DMD: variants seen among roughly 807,000 people sequenced by gnomAD.
DMD encodes the protein dystrophin.
A neutral mutation model predicts 330.1 loss-of-function variants in DMD; 63 were observed. The observed-to-expected ratio is 0.19, with a 90% CI of 0.16 to 0.24. The LOEUF is 0.24. DMD is among the 10% of genes least tolerant of loss of function. The pLI, the probability that DMD is intolerant of heterozygous loss-of-function variation, is 1.00. For synonymous variants in DMD, 1,223 were observed against 959.8 expected, an observed-to-expected ratio of 1.27 and a Z score of -5.07; for missense variants, 3,344 against 2,684.1, an observed-to-expected ratio of 1.25 and a Z score of -5.43.
Position 33,237,319 on chromosome X carries a change from C to A in DMD, c.7+101940G>T, listed in dbSNP as rs969627426. ...AGTACAATGGCGCGATCTCGGCTCA[C>A]TGCAACCTGTGCCTTCCAGGTTCAA... On this transcript the variant is annotated intron_variant, in intron 1 of 17. Coordinates refer to the DMD transcript ENST00000288447. 3.7e-5 allele frequency among the ~76,000 whole-genome samples: 4 copies of A among 107,613 alleles called. No homozygotes were observed. The Admixed American group carries it at 4.0e-4, about 11-fold the overall frequency. 93.4% of individuals were successfully genotyped at this position (107,613 alleles called of 115,157 possible).
At chrX:31,369,185 G>A (rs2059415812) in intron 60 of DMD, among the ~76,000 whole-genome samples, 1 of 112,438 alleles carries the variant, frequency 8.9e-6, no homozygotes, top group African/African-American at 3.2e-5. Flanking sequence ...TGCTGAGGCC[G>A]GGATTTAATC....
At chrX:31,783,167 T>G (rs1057249180) in intron 50 of DMD, among the ~76,000 whole-genome samples, 1 of 111,602 alleles carries the variant, frequency 9.0e-6, no homozygotes. Flanking sequence ...TTACAGAAAA[T>G]ACACTGCTAT....
At chrX:31,642,650 T>G (rs1236389599) in intron 54 of DMD, among the ~76,000 whole-genome samples, 1 of 111,875 alleles carries the variant, frequency 8.9e-6, no homozygotes, top group Non-Finnish European at 1.9e-5. Flanking sequence ...TTATCATTTT[T>G]TTTTTAGTGA....
At chrX:32,151,800 CA>C (rs780729620) in intron 44 of DMD, among the ~76,000 whole-genome samples, 2 of 111,942 alleles carry the variant, frequency 1.8e-5, no homozygotes, top group East Asian at 5.6e-4. Context: ...GTTGAGTCTT[CA>C]CTATCGTGAG....
intron 44 of DMD, among the ~76,000 whole-genome samples, chrX:32,129,978 CTTTT>C (rs756669672): frequency 8.9e-5 from 8 of 89,534 alleles, no homozygotes; most frequent in East Asian, 3.5e-4. Flanking sequence ...TTTTCAAAGA[CTTTT>C]TTTTTTTTTT....
chrX:32,719,310 C>T (rs1381498481), intron 7 of DMD, among the ~76,000 whole-genome samples: 3 of 111,953 alleles, frequency 2.7e-5, no homozygotes, highest in African/African-American at 6.5e-5. Context: ...TAGAGCTAAG[C>T]TTCTAGAGGT....
chrX:31,414,827 C>G (rs1379108281), intron 60 of DMD, among the ~76,000 whole-genome samples: 4 of 112,350 alleles, frequency 3.6e-5, no homozygotes, highest in Admixed American at 2.8e-4. Context: ...TGCACACACA[C>G]ACACAAACTG....
At chrX:32,911,848 A>G (rs1376006634) in intron 2 of DMD, among the ~76,000 whole-genome samples, 1 of 111,514 alleles carries the variant, frequency 9.0e-6, no homozygotes, top group African/African-American at 3.3e-5. Flanking sequence ...CAGACACAAA[A>G]AGTCATTTGA....
At chrX:32,672,056 A>G (rs1454790334) in intron 9 of DMD, among the ~76,000 whole-genome samples, 8 of 111,808 alleles carry the variant, frequency 7.2e-5, no homozygotes, top group Non-Finnish European at 1.3e-4. Flanking sequence ...TTTATGACAT[A>G]TATTTATCTT....
intron 1 of DMD, among the ~76,000 whole-genome samples, chrX:33,087,024 T>C (rs7067213): frequency 0.04 from 4,398 of 111,236 alleles, 194 homozygotes; most frequent in African/African-American, 0.14. Flanking sequence ...GTTATGTTTG[T>C]TGCCAGGAAA....
intron 61 of DMD, among the ~76,000 whole-genome samples, chrX:31,324,410 G>T (rs2056632063): frequency 1.9e-5 from 2 of 107,691 alleles, no homozygotes; most frequent in African/African-American, 3.4e-5. Context: ...TTTTTTTCAG[G>T]CTTAAGTTGT....
intron 20 of DMD, among the ~76,000 whole-genome samples, chrX:32,488,662 T>C (rs367899359): frequency 9.0e-6 from 1 of 111,480 alleles, no homozygotes; most frequent in Non-Finnish European, 1.9e-5. Context: ...CAACGGAATT[T>C]GGATGCAGTA....
chrX:32,327,705 T>C (rs2097658329), intron 41 of DMD, among the ~76,000 whole-genome samples: 4 of 111,574 alleles, frequency 3.6e-5, no homozygotes. Context: ...ATAGTCATTG[T>C]ATTATCCTAT....
chrX:33,172,196 A>G (rs1186127733), intron 1 of DMD, among the ~76,000 whole-genome samples: 1 of 110,989 alleles, frequency 9.0e-6, no homozygotes, highest in Non-Finnish European at 1.9e-5. Context: ...TTTTATCAAC[A>G]TATATTACAG....
chrX:33,178,648 A>G (rs1239249396), intron 1 of DMD, among the ~76,000 whole-genome samples: 2 of 112,704 alleles, frequency 1.8e-5, no homozygotes, highest in African/African-American at 6.4e-5. Context: ...AAATACATTA[A>G]AACCAGACAA....
chrX:32,893,346 C>T (rs1245596065), intron 2 of DMD, among the ~76,000 whole-genome samples: 1 of 111,898 alleles, frequency 8.9e-6, no homozygotes. Context: ...ATACCAGTTT[C>T]CAGCTGTGTC....
At chrX:32,434,884 T>G (rs2098253308) in intron 29 of DMD, among the ~76,000 whole-genome samples, 1 of 111,578 alleles carries the variant, frequency 9.0e-6, no homozygotes, top group East Asian at 2.8e-4. Context: ...TTTAACATGA[T>G]GTGGTTTTCA....
At chrX:33,316,157 A>T (rs893860702) in intron 1 of DMD, among the ~76,000 whole-genome samples, 2 of 110,795 alleles carry the variant, frequency 1.8e-5, no homozygotes, top group African/African-American at 6.5e-5. Context: ...AACATACTCA[A>T]CTTTCATCTA....
intron 44 of DMD, among the ~76,000 whole-genome samples, chrX:32,010,237 C>T (rs1411909972): frequency 2.7e-5 from 3 of 111,862 alleles, no homozygotes; most frequent in Non-Finnish European, 3.8e-5. Context: ...TTAAATTTTG[C>T]ATCCATATCT....
Sources: gnomAD v4.1 joint callset for allele counts (sites outside exome capture counted in the v4.1 genomes callset) on GRCh38, gnomAD v4.1.1 for gene constraint, MANE v1.5 for transcripts, NCBI Gene and HGNC (gene_info 2026-07-23, HGNC 2026-07-21) for gene names.